Variants in EPB41L2 observed in about 807,000 individuals in gnomAD.
EPB41L2 encodes the protein band 4.1-like protein 2.
In EPB41L2, 43 loss-of-function variants were observed where a neutral mutation model predicts 113.0. That is an observed-to-expected ratio of 0.38 (90% CI 0.30 to 0.49). The LOEUF is 0.49. Among genes scored for constraint, EPB41L2 ranks in the 20% least tolerant of loss-of-function variants. The pLI, the probability that EPB41L2 is intolerant of heterozygous loss-of-function variation, is 0.95. For missense variants in EPB41L2, 1,147 were observed against 1,223.4 expected, an observed-to-expected ratio of 0.94 and a Z score of 0.93; for synonymous variants, 442 against 436.7, an observed-to-expected ratio of 1.01 and a Z score of -0.15.
At chr6:130,890,612 C>T (rs1016007407) in intron 10 of EPB41L2, 146 bp from the exon 11 acceptor site, 4 of 970,610 alleles carry the variant, frequency 4.1e-6, no homozygotes, top group African/African-American at 3.3e-5. Flanking sequence ...TTCTAAAGAA[C>T]ATTATTTATA....
At chr6:130,897,051 C>T (rs1583201761) in intron 8 of EPB41L2, among the ~76,000 whole-genome samples, 1 of 152,168 alleles carries the variant, frequency 6.6e-6, no homozygotes, top group East Asian at 1.9e-4. Context: ...ACCACTCTGC[C>T]CTCCCTCCTT....
At chr6:130,881,182 G>A (rs1338502858) in intron 12 of EPB41L2, 1 of 152,098 alleles carries the variant, frequency 6.6e-6, no homozygotes, top group Admixed American at 6.5e-5. Flanking sequence ...TAAAAATATT[G>A]ACTCCCTTAT....
rs201873243 is a variant in EPB41L2, at chr6:130,869,931, C to T, written c.2239G>A (p.Glu747Lys). Residue 747 changes from glutamate to lysine, a missense_variant, in exon 15 of 20, where the codon GAG becomes AAG. Coordinates refer to ENST00000337057, the MANE Select transcript of EPB41L2 (RefSeq NM_001431.4). ...TCTCCCACGTCTTCCTCCTCACTCTCACTGCTGCTGCTGCTGCTCTCAGAA... is the reference window on the plus strand; with the variant it reads ...TCTCCCACGTCTTCCTCCTCACTCTTACTGCTGCTGCTGCTGCTCTCAGAA... ...LSSESSSSSS[E>K]SEEEDVGEYR... The T allele has an allele frequency of 6.2e-7, 1 of 1,613,138 alleles. No individual in the cohort carries two copies. The highest frequency in any genetic ancestry group is 1.1e-5 in the South Asian group (1 of 91,052).
chr6:130,946,098 TGAGATCTCAGTTGACTA>T (rs1425153949), intron 3 of EPB41L2, among the ~76,000 whole-genome samples: 1 of 152,216 alleles, frequency 6.6e-6, no homozygotes, highest in African/African-American at 2.4e-5. Context: ...GAAAAATTTT[TGAGATCTCAGTTGACTA>T]TCAATAGATG....
At chr6:130,842,394 A>T (rs995850312) in intron 19 of EPB41L2, among the ~76,000 whole-genome samples, 1 of 152,180 alleles carries the variant, frequency 6.6e-6, no homozygotes, top group Non-Finnish European at 1.5e-5. Context: ...TACAATTACC[A>T]ATCAAATTGG....
At chr6:131,003,761 G>C (rs1455339540) in intron 1 of EPB41L2, among the ~76,000 whole-genome samples, 1 of 152,190 alleles carries the variant, frequency 6.6e-6, no homozygotes, top group African/African-American at 2.4e-5. Context: ...AAATCTCCCA[G>C]TAGTACTTAA....
Position 130,956,449 on chromosome 6 carries a change from T to C in EPB41L2, c.37A>G (p.Lys13Glu), listed in dbSNP as rs970257200. Residue 13 changes from lysine (K) to glutamate (E), a missense_variant, in exon 2 of 20, where the codon AAG becomes GAG. Lys to Glu is a moderately conservative substitution (Grantham distance 56). Transcript: ENST00000337057. ...TEVGSVSEVKKDSSQLGTDAT... is the reference protein window; with the variant it reads ...TEVGSVSEVKEDSSQLGTDAT... Reference sequence around the variant, plus strand: ...TCTGTTCCTAACTGGCTAGAGTCCTTCTTCACTTCAGACACAGAGCCTACT... The same window carrying C: ...TCTGTTCCTAACTGGCTAGAGTCCTCCTTCACTTCAGACACAGAGCCTACT... 3.7e-6 allele frequency: 6 copies of C among 1,613,822 alleles called. No homozygotes were observed. In the African/African-American group the frequency reaches 8.0e-5, roughly 22 times the overall value.
At chr6:130,862,284 C>T (rs1360274922) in intron 18 of EPB41L2, among the ~76,000 whole-genome samples, 1 of 144,262 alleles carries the variant, frequency 6.9e-6, no homozygotes, top group Non-Finnish European at 1.5e-5. Flanking sequence ...TGTAAAGGGC[C>T]TAGGTTCAAT....
chr6:130,998,263 T>C (rs575674579), intron 1 of EPB41L2, among the ~76,000 whole-genome samples: 7 of 152,214 alleles, frequency 4.6e-5, no homozygotes, highest in Non-Finnish European at 1.0e-4. Context: ...TCCAAGACTA[T>C]GAAAATCAAA....
intron 4 of EPB41L2, among the ~76,000 whole-genome samples, chr6:130,910,980 C>T (rs1799208751): frequency 6.6e-6 from 1 of 152,124 alleles, no homozygotes; most frequent in Non-Finnish European, 1.5e-5. Context: ...TTCCTCAAGG[C>T]TCTAGAACTA....
chr6:130,946,093 A>C (rs1043715060), intron 3 of EPB41L2, among the ~76,000 whole-genome samples: 1 of 152,154 alleles, frequency 6.6e-6, no homozygotes, highest in African/African-American at 2.4e-5. Flanking sequence ...TTTTCGAAAA[A>C]TTTTTGAGAT....
intron 1 of EPB41L2, among the ~76,000 whole-genome samples, chr6:130,983,222 C>G (rs1296420836): frequency 6.6e-6 from 1 of 152,238 alleles, no homozygotes; most frequent in African/African-American, 2.4e-5. Flanking sequence ...ATCTTCCAAA[C>G]ACACATATAC....
intron 12 of EPB41L2, chr6:130,880,677 G>A (rs1403759489): frequency 2.4e-6 from 1 of 414,316 alleles, no homozygotes; most frequent in Non-Finnish European, 4.2e-6. Context: ...TTGTACGAAT[G>A]ATGGAAATGA....
chr6:130,906,807 A>G (rs1797864854), intron 5 of EPB41L2, among the ~76,000 whole-genome samples: 1 of 152,202 alleles, frequency 6.6e-6, no homozygotes, highest in African/African-American at 2.4e-5. Context: ...TAATACAGAA[A>G]GAAAGAGGTA....
chr6:131,023,231 T>G (rs1239830769), intron 1 of EPB41L2, among the ~76,000 whole-genome samples: 9 of 152,220 alleles, frequency 5.9e-5, no homozygotes, highest in Non-Finnish European at 1.3e-4. Context: ...TTTAAAGACT[T>G]TATTATTTCA....
chr6:130,931,151 G>A (rs1806688913), intron 3 of EPB41L2, among the ~76,000 whole-genome samples: 1 of 151,952 alleles, frequency 6.6e-6, no homozygotes, highest in Non-Finnish European at 1.5e-5. Flanking sequence ...ATAAGGGAAA[G>A]GCAATATTAA....
intron 1 of EPB41L2, among the ~76,000 whole-genome samples, chr6:130,969,647 C>G (rs1776267550): frequency 6.6e-6 from 1 of 152,130 alleles, no homozygotes; most frequent in Admixed American, 6.5e-5. Context: ...TAATAATCTA[C>G]AGATTATTAG....
chr6:130,911,673 G>A (rs919013353), intron 4 of EPB41L2, among the ~76,000 whole-genome samples: 3 of 151,988 alleles, frequency 2.0e-5, no homozygotes, highest in Non-Finnish European at 2.9e-5. Flanking sequence ...CACTAGGTTC[G>A]AACCACCCAA....
chr6:130,989,808 C>G (rs1781410304), intron 1 of EPB41L2, among the ~76,000 whole-genome samples: 1 of 152,030 alleles, frequency 6.6e-6, no homozygotes, highest in Admixed American at 6.6e-5. Flanking sequence ...TGGATAAATT[C>G]AAGAAATATT....
Sources: gnomAD v4.1 joint callset for allele counts (sites outside exome capture counted in the v4.1 genomes callset) on GRCh38, gnomAD v4.1.1 for gene constraint, MANE v1.5 for transcripts, NCBI Gene and HGNC (gene_info 2026-07-23, HGNC 2026-07-21) for gene names.